Variants in PSG4 observed in about 807,000 individuals in gnomAD.
The protein encoded by PSG4 is pregnancy-specific beta-1-glycoprotein 4.
PSG4 carries 61 observed loss-of-function variants against 44.3 expected under a neutral mutation model. That is an observed-to-expected ratio of 1.38 (90% CI 1.12 to 1.70). PSG4 has a LOEUF of 1.70. Among genes scored for constraint, PSG4 ranks in the 40% most tolerant of loss-of-function variants. The pLI is 0.00. For missense variants in PSG4, 677 were observed against 511.7 expected, an observed-to-expected ratio of 1.32 and a Z score of -3.12; for synonymous variants, 248 against 191.3, an observed-to-expected ratio of 1.30 and a Z score of -2.45.
intron 3 of PSG4, among the ~76,000 whole-genome samples, chr19:43,195,910 C>G (rs1157209700): frequency 6.7e-6 from 1 of 150,354 alleles, no homozygotes; most frequent in East Asian, 1.9e-4. Context: ...AACCAGTGAC[C>G]TCTAAAGATA....
At chr19:43,204,425 C>G (rs750226976) in intron 1 of PSG4, 174 bp from the exon 2 acceptor site, 19 of 931,426 alleles carry the variant, frequency 2.0e-5, no homozygotes, top group Non-Finnish European at 2.9e-5. Flanking sequence ...TACTGTCCCA[C>G]TAGGTCAAGA....
chr19:43,195,447 G>A (rs1461688583), intron 3 of PSG4, among the ~76,000 whole-genome samples, 174 bp from the exon 4 acceptor site: 1 of 151,466 alleles, frequency 6.6e-6, no homozygotes, highest in Non-Finnish European at 1.5e-5. Context: ...CTCAAAGACT[G>A]TGAGGCCACC....
intron 4 of PSG4, 56 bp from the exon 5 acceptor site, chr19:43,194,650 C>T (rs1333355611): frequency 1.3e-6 from 2 of 1,570,006 alleles, no homozygotes; most frequent in African/African-American, 2.7e-5. Context: ...GGGGATGTTC[C>T]TGGTCTCTTA....
intron 1 of PSG4, chr19:43,204,699 C>CCCCCCCCT (rs58719697): frequency 1.8e-4 from 34 of 191,582 alleles, no homozygotes; most frequent in South Asian, 3.2e-4. Flanking sequence ...TGTCTTCCCC[C>CCCCCCCCT]CACGATGACT....
At chr19:43,200,818 C>A (rs1225764998) in intron 2 of PSG4, among the ~76,000 whole-genome samples, 1 of 146,166 alleles carries the variant, frequency 6.8e-6, no homozygotes, top group Non-Finnish European at 1.5e-5. Flanking sequence ...CTTGTGCCTG[C>A]CTCGGCCTCC....
Position 43,204,070 on chromosome 19 carries a change from A to G in PSG4, c.246T>C (p.Tyr82=), listed in dbSNP as rs144439205. 13 of 1,586,184 alleles carry G rather than the reference A, an allele frequency of 8.2e-6. 4 individuals carry two copies. The African/African-American group carries it at 1.6e-4, about 19-fold the overall frequency. The part of the protein sequence containing the change: ...MTYLYHYITS[Y]VVDGQRIIYG... ...ATATAATTCTTTGACCGTCTACTAC[A>G]TATGATGTAATGTAATGGTAGAGGT... The change falls in exon 2 of 6, where the codon TAT becomes TAC. Residue 82 remains tyrosine (Y), a synonymous_variant. Transcript: ENST00000405312.
chr19:43,194,091 G>C, intron 5 of PSG4: 1 of 1,233,706 alleles, frequency 8.1e-7, no homozygotes, highest in Non-Finnish European at 1.1e-6. Context: ...CCTCAATATT[G>C]TCAATTATTT....
rs1967089149 is a variant in PSG4, at chr19:43,193,298, G to A, written c.*74C>T. On this transcript the variant is annotated 3_prime_UTR_variant, in exon 6 of 6. Coordinates refer to ENST00000405312, the MANE Select transcript of PSG4 (RefSeq NM_002780.5). ...CGAGTTGTCCACCTCCAGCTTATAG[G>A]GCTTCTGGAACAGAGTGGGTCTTGC... 1.3e-5 allele frequency: 10 copies of A among 773,804 alleles called. 1 individual carries two copies. In the East Asian group the frequency reaches 1.5e-4, roughly 11 times the overall value. The allele number at this position is 773,804 out of a possible 1,614,324, so 47.9% of individuals were successfully genotyped here. A position where few individuals can be genotyped will look rare whatever the true frequency, so the allele number is the denominator to read the frequency against.
intron 2 of PSG4, among the ~76,000 whole-genome samples, chr19:43,199,387 T>A (rs1967404651): frequency 1.4e-5 from 2 of 145,196 alleles, no homozygotes; most frequent in South Asian, 4.3e-4. Context: ...GTTCTAGAGA[T>A]CTCCTGTACA....
At chr19:43,197,311 C>T (rs1418828094) in intron 3 of PSG4, among the ~76,000 whole-genome samples, 1 of 145,608 alleles carries the variant, frequency 6.9e-6, no homozygotes, top group Non-Finnish European at 1.5e-5. Context: ...CACTGGAAAA[C>T]ATATTGCCAA....
chr19:43,204,228 G>C lies in PSG4; in HGVS notation c.88C>G (p.Pro30Ala). The change falls in exon 2 of 6, where the codon CCG (proline) becomes GCG (alanine). Residue 30 changes from proline (P) to alanine (A), a missense_variant. Transcript: ENST00000405312. ...LTASLLNFWNPPTTAQVTIEA... is the reference protein window; with the variant it reads ...LTASLLNFWNAPTTAQVTIEA... ...ATCGTGACTTGGGCAGTTGTGGGCG[G>C]ATTCCAGAAGTTTAAAAGTGATGCT... 6.3e-7 allele frequency: 1 copy of C among 1,578,648 alleles called. No individual in the cohort carries two copies. Among genetic ancestry groups the C allele is most frequent in the Non-Finnish European group, 8.6e-7 (1 of 1,166,746 alleles).
In PSG4 at chr19:43,195,258, G is replaced by A; in HGVS notation, c.725C>T (p.Pro242Leu). The part of the protein sequence containing the change: ...TLNLLPKLSK[P>L]YITINNLNPR... ...GTTTAAGTTGTTGATTGTGATGTAG[G>A]GCTTGGACAGCTTTGCTGTGTGGAT... Residue 242 changes from proline to leucine, a missense_variant, in exon 4 of 6, where the codon CCC becomes CTC. Pro to Leu is a moderately conservative substitution (Grantham distance 98, BLOSUM62 -3). Transcript: ENST00000405312. 6.2e-7 allele frequency: 1 copy of A among 1,610,406 alleles called. No individual in the cohort carries two copies. The highest frequency in any genetic ancestry group is 8.5e-7 in the Non-Finnish European group (1 of 1,178,904).
At chr19:43,200,666 C>A (rs1304265044) in intron 2 of PSG4, among the ~76,000 whole-genome samples, 1 of 145,318 alleles carries the variant, frequency 6.9e-6, no homozygotes, top group Admixed American at 6.8e-5. Flanking sequence ...AGCTCCACCT[C>A]CTGGGTTCAT....
At chr19:43,193,520 G>A in intron 5 of PSG4, 132 bp from the exon 6 acceptor site, 2 of 689,128 alleles carry the variant, frequency 2.9e-6, no homozygotes, top group South Asian at 3.1e-5. Context: ...GATAATTTCA[G>A]TAGAATAAGT....
chr19:43,204,004 A>G lies in PSG4; in HGVS notation c.312T>C (p.Asn104=), dbSNP rs767073407. The change falls in exon 2 of 6, where the codon AAT becomes AAC. Residue 104 remains asparagine (N), a synonymous_variant. Coordinates refer to ENST00000405312, the MANE Select transcript of PSG4 (RefSeq NM_002780.5). The part of the protein sequence containing the change: ...AYSGRERVYS[N]ASLLIQNVTQ... ...TGACATTCTGGATCAGCAGGGATGCATTGGAATATACTCTTTCTCTTCCAC... is the reference window on the plus strand; with the variant it reads ...TGACATTCTGGATCAGCAGGGATGCGTTGGAATATACTCTTTCTCTTCCAC... The G allele has an allele frequency of 5.0e-6, 8 of 1,587,844 alleles. 2 individuals carry two copies. The highest frequency in any genetic ancestry group is 6.8e-6 in the Non-Finnish European group (8 of 1,171,722).
In PSG4 at chr19:43,204,314, C is replaced by T. The variant is rs1967660550; in HGVS notation, c.65-63G>A. 3 of 1,465,592 alleles carry T rather than the reference C, an allele frequency of 2.0e-6. 1 individual carries two copies. The highest frequency in any genetic ancestry group is 2.7e-6 in the Non-Finnish European group (3 of 1,096,350). The allele number at this position is 1,465,592 out of a possible 1,614,324, so 90.8% of individuals were successfully genotyped here. A position where few individuals can be genotyped will look rare whatever the true frequency, so the allele number is the denominator to read the frequency against. On this transcript the variant is annotated intron_variant, in intron 1 of 5. Coordinates refer to ENST00000405312, the MANE Select transcript of PSG4 (RefSeq NM_002780.5). Reference sequence around the variant, plus strand: ...TATGTATTGGGGTGAAAAGATGGGTCCTGAGAAGGTCTCTTCAATCCTCAG... The same window carrying T: ...TATGTATTGGGGTGAAAAGATGGGTTCTGAGAAGGTCTCTTCAATCCTCAG...
intron 2 of PSG4, among the ~76,000 whole-genome samples, chr19:43,201,014 A>T (rs1371222611): frequency 6.9e-6 from 1 of 145,984 alleles, no homozygotes; most frequent in Non-Finnish European, 1.5e-5. Flanking sequence ...CAGGTTGAGG[A>T]TGGAGTCCCA....
Position 43,192,900 on chromosome 19 carries a change from A to T in PSG4, c.*472T>A. ...AGGCAATATCTCTGTGTTCATTTCTATTGGGAGCCCTGTATGCAAGATGGA... is the reference window on the plus strand; with the variant it reads ...AGGCAATATCTCTGTGTTCATTTCTTTTGGGAGCCCTGTATGCAAGATGGA... On this transcript the variant is annotated 3_prime_UTR_variant, in exon 6 of 6. Coordinates refer to ENST00000405312, the MANE Select transcript of PSG4 (RefSeq NM_002780.5). 1 of 342,928 alleles carries T rather than the reference A, an allele frequency of 2.9e-6. No individual in the cohort carries two copies. The highest frequency in any genetic ancestry group is 5.4e-6 in the Non-Finnish European group (1 of 186,410). 21.2% of individuals were successfully genotyped at this position (342,928 alleles called of 1,614,324 possible).
intron 2 of PSG4, chr19:43,198,594 C>G: frequency 2.8e-6 from 1 of 353,274 alleles, no homozygotes; most frequent in Non-Finnish European, 4.8e-6. Flanking sequence ...CCTGCCTGAC[C>G]CACCTTGTGG....
Sources: allele counts gnomAD v4.1 joint callset (sites outside exome capture counted in the v4.1 genomes callset), GRCh38; gene constraint gnomAD v4.1.1; transcripts MANE v1.5; gene names NCBI Gene and HGNC (gene_info 2026-07-23, HGNC 2026-07-21).